Variants in FHOD3 observed in about 807,000 individuals in gnomAD.
FHOD3 encodes FH1/FH2 domain-containing protein 3.
In FHOD3, 90 loss-of-function variants were observed where a neutral mutation model predicts 173.0. The ratio of observed to expected loss-of-function variants is 0.52; its 90% CI spans 0.44 to 0.62. FHOD3 has a LOEUF of 0.62. Ranked by LOEUF, FHOD3 falls within the 20% of genes least tolerant of loss-of-function variation. FHOD3 has a pLI of 0.00. For missense variants in FHOD3, 1,945 were observed against 2,034.7 expected, an observed-to-expected ratio of 0.96 and a Z score of 0.85; for synonymous variants, 828 against 823.0, an observed-to-expected ratio of 1.01 and a Z score of -0.10.
intron 3 of FHOD3, among the ~76,000 whole-genome samples, chr18:36,454,395 A>T (rs1410312527): frequency 2.0e-5 from 3 of 152,168 alleles, no homozygotes; most frequent in Non-Finnish European, 4.4e-5. Context: ...ACAGGCATAC[A>T]CACAGGCATT....
At chr18:36,549,522 T>C (rs181155038) in intron 5 of FHOD3, among the ~76,000 whole-genome samples, 8 of 147,532 alleles carry the variant, frequency 5.4e-5, no homozygotes, top group East Asian at 4.0e-4. Context: ...TAGTGTCAGA[T>C]CTAAGAAATC....
At chr18:36,404,895 C>A (rs1434351461) in intron 3 of FHOD3, among the ~76,000 whole-genome samples, 1 of 152,156 alleles carries the variant, frequency 6.6e-6, no homozygotes, top group Admixed American at 6.6e-5. Flanking sequence ...AAATCAGTTA[C>A]ACATTTATAC....
intron 3 of FHOD3, among the ~76,000 whole-genome samples, chr18:36,452,551 C>T (rs1487367945): frequency 6.6e-6 from 1 of 152,134 alleles, no homozygotes; most frequent in Non-Finnish European, 1.5e-5. Context: ...AGAACCTATT[C>T]ATCCTGCACA....
At chr18:36,516,710 C>T (rs2056001717) in intron 5 of FHOD3, among the ~76,000 whole-genome samples, 1 of 152,236 alleles carries the variant, frequency 6.6e-6, no homozygotes, top group South Asian at 2.1e-4. Context: ...CACCACTGCA[C>T]TCCAGCCTGA....
chr18:36,405,357 C>A (rs1416254445), intron 3 of FHOD3, among the ~76,000 whole-genome samples: 1 of 152,192 alleles, frequency 6.6e-6, no homozygotes, highest in Non-Finnish European at 1.5e-5. Context: ...TTTACAATTG[C>A]AGAAGGATTT....
chr18:36,760,607 G>T lies in FHOD3; in HGVS notation c.4450-1G>T, dbSNP rs2042827685. On this transcript the variant is annotated splice_acceptor_variant, in intron 26 of 28. Coordinates refer to ENST00000590592, the MANE Select transcript of FHOD3 (RefSeq NM_001281740.3). LOFTEE classifies it high-confidence loss of function. Reference sequence around the variant, plus strand: ...CTGCTAACTTCCCCTTGGTTTTGCAGTCTGGCAAGTTCTCCGGCAGTTCTC... The same window carrying T: ...CTGCTAACTTCCCCTTGGTTTTGCATTCTGGCAAGTTCTCCGGCAGTTCTC... 1 of 1,569,492 alleles carries T rather than the reference G, an allele frequency of 6.4e-7. No homozygotes were observed. Among genetic ancestry groups the T allele is most frequent in the Non-Finnish European group, 8.7e-7 (1 of 1,153,586 alleles).
intron 28 of FHOD3, among the ~76,000 whole-genome samples, chr18:36,773,284 C>T (rs766706776): frequency 3.9e-5 from 6 of 152,156 alleles, no homozygotes; most frequent in Non-Finnish European, 5.9e-5. Context: ...GCCTGAGTGC[C>T]AGGTTCAAAA....
chr18:36,627,002 C>A (rs1047827064), intron 10 of FHOD3, among the ~76,000 whole-genome samples: 13 of 152,164 alleles, frequency 8.5e-5, no homozygotes, highest in African/African-American at 2.4e-4. Context: ...CTCATAACCC[C>A]AGATGCCCTC....
At chr18:36,690,667 C>T (rs549066078) in intron 16 of FHOD3, among the ~76,000 whole-genome samples, 72 of 152,226 alleles carry the variant, frequency 4.7e-4, no homozygotes, top group East Asian at 3.9e-4. Flanking sequence ...TGCAGATGAA[C>T]GCTGCTGCTG....
intron 5 of FHOD3, among the ~76,000 whole-genome samples, chr18:36,555,069 C>A (rs542785649): frequency 6.6e-6 from 1 of 151,822 alleles, no homozygotes; most frequent in Non-Finnish European, 1.5e-5. Context: ...TATTATTACC[C>A]GTATTTTGTG....
At chr18:36,645,000 AC>A (rs1226070505) in intron 10 of FHOD3, among the ~76,000 whole-genome samples, 2 of 152,164 alleles carry the variant, frequency 1.3e-5, no homozygotes, top group African/African-American at 4.8e-5. Context: ...AAGTAATAAC[AC>A]CTGCAAACTC....
At chr18:36,739,738 A>C (rs1272203078) in intron 20 of FHOD3, among the ~76,000 whole-genome samples, 2 of 152,252 alleles carry the variant, frequency 1.3e-5, no homozygotes, top group African/African-American at 2.4e-5. Flanking sequence ...AGCATTTAAA[A>C]AAATTTTAGT....
At chr18:36,513,190 A>C (rs542974057) in intron 5 of FHOD3, among the ~76,000 whole-genome samples, 17 of 151,986 alleles carry the variant, frequency 1.1e-4, no homozygotes, top group East Asian at 7.7e-4. Flanking sequence ...GTAAAAAAAA[A>C]AAAAACAAAT....
chr18:36,705,867 G>C (rs986409396), intron 17 of FHOD3, among the ~76,000 whole-genome samples: 1 of 152,082 alleles, frequency 6.6e-6, no homozygotes, highest in South Asian at 2.1e-4. Flanking sequence ...GTTTCCTCGG[G>C]ACTTGGTGGG....
At chr18:36,377,446 C>T (rs2047499104) in intron 3 of FHOD3, among the ~76,000 whole-genome samples, 1 of 152,208 alleles carries the variant, frequency 6.6e-6, no homozygotes, top group Non-Finnish European at 1.5e-5. Context: ...GCTGGATTCC[C>T]ATGTGGTCCT....
chr18:36,696,585 C>T (rs1035412254), intron 17 of FHOD3, among the ~76,000 whole-genome samples: 1 of 152,180 alleles, frequency 6.6e-6, no homozygotes, highest in Non-Finnish European at 1.5e-5. Context: ...TGAGATCTCT[C>T]AGCCAAAAGC....
intron 3 of FHOD3, among the ~76,000 whole-genome samples, chr18:36,496,719 G>T (rs958179754): frequency 6.6e-6 from 1 of 151,994 alleles, no homozygotes; most frequent in Non-Finnish European, 1.5e-5. Flanking sequence ...TATTGCTCTC[G>T]TGATATAGGG....
At chr18:36,634,316 C>A (rs74580485) in intron 10 of FHOD3, among the ~76,000 whole-genome samples, 3,893 of 152,142 alleles carry the variant, frequency 0.026, 175 homozygotes, top group African/African-American at 0.09. Flanking sequence ...GGGGAGCCTA[C>A]TTATGGAACT....
intron 8 of FHOD3, among the ~76,000 whole-genome samples, chr18:36,607,246 TC>T (rs974470088): frequency 3.7e-4 from 57 of 152,354 alleles, no homozygotes; most frequent in African/African-American, 1.4e-3. Context: ...TCTTGTATTT[TC>T]CACACCTGCA....
Sources: gnomAD v4.1 joint callset for allele counts (sites outside exome capture counted in the v4.1 genomes callset) on GRCh38, gnomAD v4.1.1 for gene constraint, MANE v1.5 for transcripts, NCBI Gene and HGNC (gene_info 2026-07-23, HGNC 2026-07-21) for gene names.